C14orf39: variants seen among roughly 807,000 people sequenced by gnomAD.
The protein encoded by C14orf39 is protein SIX6OS1.
A neutral mutation model predicts 85.6 loss-of-function variants in C14orf39; 66 were observed. The ratio of observed to expected loss-of-function variants is 0.77; its 90% CI spans 0.63 to 0.95. The LOEUF is 0.95. Among genes scored for constraint, C14orf39 ranks in the 40% least tolerant of loss-of-function variants. The pLI is 0.00. For missense variants in C14orf39, 735 were observed against 663.9 expected (o/e 1.11, Z -1.18); for synonymous variants, 242 against 214.0 (o/e 1.13, Z -1.14).
At chr14:60,488,005 C>T (rs1327888873), upstream of C14orf39, among the ~76,000 whole-genome samples, 1 of 152,078 alleles carries the variant, frequency 6.6e-6, no homozygotes, top group East Asian at 1.9e-4. Context: ...TAGATATTAA[C>T]CCAAATTTAC....
intron 11 of C14orf39, 111 bp from the exon 12 acceptor site, chr14:60,461,704 C>A: frequency 3.6e-6 from 2 of 555,886 alleles, no homozygotes; most frequent in South Asian, 3.2e-5. Context: ...TCCTTTCCAT[C>A]ATTACCATCA....
chr14:60,483,680 C>G lies in C14orf39; in HGVS notation c.233+11G>C, dbSNP rs1222714141. 3.8e-6 allele frequency: 6 copies of G among 1,574,034 alleles called. No individual in the cohort carries two copies. The South Asian group carries it at 7.1e-5, about 19-fold the overall frequency. On this transcript the variant is annotated intron_variant, in intron 4 of 17. Coordinates refer to ENST00000321731, the MANE Select transcript of C14orf39 (RefSeq NM_174978.3). The stretch of plus-strand genomic sequence containing the variant: ...AGAATGCAATGAAAATTGATTCTTT[C>G]AAATACTCACTTTCTACAGTTGTCT...
chr14:60,504,735 T>C (rs1455039154), intron 1 of C14orf39, among the ~76,000 whole-genome samples: 2 of 152,182 alleles, frequency 1.3e-5, no homozygotes, highest in African/African-American at 4.8e-5. Context: ...CCTAAAGAAG[T>C]AGACAAGAGA....
At chr14:60,509,616 T>C (rs1211910049) in intron 1 of C14orf39, 2 of 1,613,648 alleles carry the variant, frequency 1.2e-6, no homozygotes, top group African/African-American at 2.7e-5. Context: ...CTCTATCATA[T>C]CCTGGAAAAC....
chr14:60,463,420 T>C (rs958826838), intron 11 of C14orf39, among the ~76,000 whole-genome samples: 3 of 152,146 alleles, frequency 2.0e-5, no homozygotes. Flanking sequence ...ATGTAGTCCA[T>C]TGATCACTTT....
intron 4 of C14orf39, among the ~76,000 whole-genome samples, chr14:60,480,123 A>C (rs993061178): frequency 1.3e-5 from 2 of 152,164 alleles, no homozygotes; most frequent in African/African-American, 4.8e-5. Flanking sequence ...AATGGCTGTT[A>C]TCAAAAAGAT....
intron 16 of C14orf39, among the ~76,000 whole-genome samples, chr14:60,452,136 G>A (rs1266019602): frequency 1.4e-5 from 2 of 139,548 alleles, no homozygotes; most frequent in East Asian, 2.1e-4. Context: ...GCAGTGAGCC[G>A]ACATTGTGCC....
intron 1 of C14orf39, among the ~76,000 whole-genome samples, chr14:60,500,875 A>C (rs1893135372): frequency 6.6e-6 from 1 of 151,470 alleles, no homozygotes; most frequent in Admixed American, 6.6e-5. Context: ...GAAAACGAAC[A>C]AAAAAAAAGA....
At position 60,467,707 on chromosome 14, in the gene C14orf39, C is replaced by T. The variant is rs116944753; in HGVS notation, c.768-663G>A. Among the ~76,000 whole-genome samples, 24 of 151,686 alleles carry T rather than the reference C, an allele frequency of 1.6e-4. No homozygotes were observed. In the East Asian group the frequency reaches 4.3e-3, roughly 27 times the overall value. On this transcript the variant is annotated intron_variant, in intron 9 of 17. Transcript: ENST00000321731. The stretch of plus-strand genomic sequence containing the variant: ...AGACACACTTGCACTGAATGTGGTA[C>T]ATGGGAGTGGAGGAATCAAGAAAAT...
intron 2 of C14orf39, among the ~76,000 whole-genome samples, chr14:60,498,743 C>T (rs1228529076): frequency 6.6e-6 from 1 of 152,110 alleles, no homozygotes; most frequent in African/African-American, 2.4e-5. Flanking sequence ...TACTGAAGGA[C>T]ATTTTAAAAA....
intron 1 of C14orf39, among the ~76,000 whole-genome samples, chr14:60,507,277 G>C (rs1893216672): frequency 6.6e-6 from 1 of 152,096 alleles, no homozygotes; most frequent in Admixed American, 6.5e-5. Flanking sequence ...CCCGGGTCCG[G>C]CTTCATCCCT....
At chr14:60,501,306 C>CA (rs66800067) in intron 1 of C14orf39, among the ~76,000 whole-genome samples, 82,498 of 105,604 alleles carry the variant, frequency 0.78, 33,143 homozygotes, top group Non-Finnish European at 0.87. Context: ...ACCCTGTCTC[C>CA]AAAAAAAAAA....
intron 16 of C14orf39, among the ~76,000 whole-genome samples, chr14:60,452,254 A>C (rs1186326708): frequency 1.3e-5 from 2 of 152,164 alleles, no homozygotes; most frequent in Non-Finnish European, 2.9e-5. Context: ...ATAAAAAGCA[A>C]GAAATTAAAT....
chr14:60,479,644 T>C (rs986177712), intron 4 of C14orf39, among the ~76,000 whole-genome samples: 3 of 148,364 alleles, frequency 2.0e-5, no homozygotes, highest in South Asian at 2.2e-4. Flanking sequence ...TTTGTAATTA[T>C]ATATAAATAT....
intron 9 of C14orf39, among the ~76,000 whole-genome samples, chr14:60,467,495 A>G (rs986758749): frequency 4.6e-5 from 7 of 151,902 alleles, no homozygotes; most frequent in African/African-American, 1.7e-4. Flanking sequence ...TACTGAAAGA[A>G]TAGTTTTCAC....
At chr14:60,444,857 A>T (rs1192439630) in intron 16 of C14orf39, among the ~76,000 whole-genome samples, 1 of 152,216 alleles carries the variant, frequency 6.6e-6, no homozygotes, top group African/African-American at 2.4e-5. Context: ...CATCAGACTA[A>T]CAGCAGATCT....
intron 1 of C14orf39, among the ~76,000 whole-genome samples, chr14:60,506,247 G>A (rs754549278): frequency 2.8e-4 from 43 of 152,106 alleles, no homozygotes; most frequent in Non-Finnish European, 5.3e-4. Context: ...GTACTTTCTC[G>A]ATTTCCCGGT....
At chr14:60,508,695 C>T (rs892653836) in intron 1 of C14orf39, among the ~76,000 whole-genome samples, 1 of 152,074 alleles carries the variant, frequency 6.6e-6, no homozygotes, top group African/African-American at 2.4e-5. Context: ...TTCCCCCCAC[C>T]GGCTTCCTGC....
intron 5 of C14orf39, among the ~76,000 whole-genome samples, chr14:60,476,572 T>C (rs1882405036): frequency 1.3e-5 from 2 of 152,208 alleles, no homozygotes; most frequent in Non-Finnish European, 2.9e-5. Context: ...CAGACAACTG[T>C]TTTCACTTTA....
Sources: gnomAD v4.1 joint callset for allele counts (sites outside exome capture counted in the v4.1 genomes callset) on GRCh38, gnomAD v4.1.1 for gene constraint, MANE v1.5 for transcripts, NCBI Gene and HGNC (gene_info 2026-07-23, HGNC 2026-07-21) for gene names.